Variants in BAZ2B observed in about 807,000 individuals in gnomAD.
BAZ2B encodes the protein bromodomain adjacent to zinc finger domain protein 2B.
BAZ2B carries 91 observed loss-of-function variants against 246.0 expected under a neutral mutation model. The observed-to-expected ratio is 0.37, with a 90% CI of 0.31 to 0.44. BAZ2B has a LOEUF of 0.44. BAZ2B is among the 20% of genes least tolerant of loss of function. The pLI, the probability that BAZ2B is intolerant of heterozygous loss-of-function variation, is 1.00. For synonymous variants in BAZ2B, 855 were observed against 860.0 expected (o/e 0.99, Z 0.10); for missense variants, 2,332 against 2,533.7 (o/e 0.92, Z 1.71).
chr2:159,676,640 T>C, the BAZ2B span, among the ~76,000 whole-genome samples: 1 of 67,172 alleles, frequency 1.5e-5, no homozygotes, highest in South Asian at 4.6e-4. Flanking sequence ...CACAGTGGTA[T>C]CTAAATGCAC....
At chr2:159,631,372 T>G in the BAZ2B span, among the ~76,000 whole-genome samples, 2 of 152,212 alleles carry the variant, frequency 1.3e-5, no homozygotes, top group Non-Finnish European at 2.9e-5. Context: ...TGTAAATACC[T>G]AGAAACAGGG....
intron 11 of BAZ2B, 47 bp downstream of exon 11, chr2:159,429,153 A>G (rs2070598449): frequency 7.6e-7 from 1 of 1,314,036 alleles, no homozygotes; most frequent in Non-Finnish European, 1.0e-6. Flanking sequence ...TCAAACTTGC[A>G]TAAATATATG....
chr2:159,688,668 A>G, the BAZ2B span, among the ~76,000 whole-genome samples: 10,789 of 152,284 alleles, frequency 0.071, 483 homozygotes, highest in East Asian at 0.14. Flanking sequence ...ATCGAGGGTC[A>G]TACATTATTT....
At chr2:159,340,739 C>T (rs1289613745) in intron 31 of BAZ2B, among the ~76,000 whole-genome samples, 1 of 151,894 alleles carries the variant, frequency 6.6e-6, no homozygotes, top group Non-Finnish European at 1.5e-5. Flanking sequence ...CACCACTAGG[C>T]TAAACATGCA....
At chr2:159,449,726 T>C (rs1317192730) in intron 4 of BAZ2B, among the ~76,000 whole-genome samples, 1 of 152,176 alleles carries the variant, frequency 6.6e-6, no homozygotes, top group Non-Finnish European at 1.5e-5. Context: ...AGAATAACTA[T>C]ACAAAAGCAT....
chr2:159,692,322 A>G, the BAZ2B span, among the ~76,000 whole-genome samples: 8 of 151,708 alleles, frequency 5.3e-5, no homozygotes, highest in South Asian at 1.7e-3. Context: ...ATGGCCAGCT[A>G]ATTTTTTGTA....
chr2:159,391,510 A>G (rs900016064), intron 20 of BAZ2B, among the ~76,000 whole-genome samples: 4 of 152,180 alleles, frequency 2.6e-5, no homozygotes, highest in African/African-American at 9.6e-5. Flanking sequence ...TAGTTACTAA[A>G]GTTGTTAAAA....
In BAZ2B at chr2:159,428,004, G is replaced by A; in HGVS notation, c.2403C>T (p.Asp801=). The A allele has an allele frequency of 6.2e-7, 1 of 1,613,446 alleles. No homozygotes were observed. The change falls in exon 13 of 37, where the codon GAC becomes GAT. Residue 801 remains aspartate (D), a synonymous_variant. Coordinates refer to ENST00000392783, the MANE Select transcript of BAZ2B (RefSeq NM_013450.4). ...SRNGIMDISR[D]NFSFSAKIRV... ...TTATTTTTGCACTGAAGCTGAAATT[G>A]TCCCTTGAGATATCCATTATTCCAT... is the stretch of plus-strand genomic sequence containing the variant.
the BAZ2B span, among the ~76,000 whole-genome samples, chr2:159,657,659 A>C: frequency 1.3e-5 from 2 of 152,142 alleles, no homozygotes; most frequent in African/African-American, 4.8e-5. Context: ...AGTTTTCCTC[A>C]TATAGTTCTG....
At chr2:159,709,985 G>A in the BAZ2B span, among the ~76,000 whole-genome samples, 1 of 116,742 alleles carries the variant, frequency 8.6e-6, no homozygotes, top group African/African-American at 2.8e-5. Context: ...TTTAGATACA[G>A]AAAGGTATGT....
At chr2:159,702,738 A>C in the BAZ2B span, among the ~76,000 whole-genome samples, 1 of 152,110 alleles carries the variant, frequency 6.6e-6, no homozygotes, top group Non-Finnish European at 1.5e-5. Context: ...ATACGCAAAA[A>C]CATGTTTAAA....
chr2:159,441,683 TTTG>T (rs2073423909), intron 6 of BAZ2B, among the ~76,000 whole-genome samples: 1 of 152,186 alleles, frequency 6.6e-6, no homozygotes, highest in Non-Finnish European at 1.5e-5. Flanking sequence ...AGGGTCTCAC[TTTG>T]TCACCTACGC....
At chr2:159,624,743 T>A in the BAZ2B span, among the ~76,000 whole-genome samples, 9 of 152,138 alleles carry the variant, frequency 5.9e-5, no homozygotes, top group Non-Finnish European at 1.2e-4. Flanking sequence ...CCAAAAAGGC[T>A]GAAAATTCCA....
At chr2:159,595,655 T>C (rs1191928336) in intron 1 of BAZ2B, among the ~76,000 whole-genome samples, 2 of 152,380 alleles carry the variant, frequency 1.3e-5, no homozygotes, top group East Asian at 3.8e-4. Flanking sequence ...TTGAAATCTG[T>C]TATGTAAGTT....
At chr2:159,666,630 TG>T in the BAZ2B span, among the ~76,000 whole-genome samples, 411 of 152,032 alleles carry the variant, frequency 2.7e-3, 6 homozygotes, top group East Asian at 0.03. Context: ...CCAAAGTGGG[TG>T]GATCACTTGA....
intron 27 of BAZ2B, among the ~76,000 whole-genome samples, chr2:159,361,443 A>G (rs553932467): frequency 6.6e-6 from 1 of 152,344 alleles, no homozygotes; most frequent in Non-Finnish European, 1.5e-5. Context: ...TTAAAAAGTC[A>G]GGAAACAACA....
intron 14 of BAZ2B, among the ~76,000 whole-genome samples, chr2:159,405,332 C>A (rs568655300): frequency 6.6e-6 from 1 of 152,158 alleles, no homozygotes; most frequent in African/African-American, 2.4e-5. Context: ...CTGCCTCAGC[C>A]TCCCAAGTAG....
At chr2:159,373,218 G>A (rs2061041811) in intron 26 of BAZ2B, 29 bp from the exon 27 acceptor site, 2 of 1,579,978 alleles carry the variant, frequency 1.3e-6, no homozygotes, top group Non-Finnish European at 8.6e-7. Flanking sequence ...ATATAATTAG[G>A]TTTGGGATGT....
At chr2:159,470,421 T>G (rs2077635587) in intron 3 of BAZ2B, among the ~76,000 whole-genome samples, 1 of 152,224 alleles carries the variant, frequency 6.6e-6, no homozygotes, top group Non-Finnish European at 1.5e-5. Flanking sequence ...TCAAAATTCA[T>G]TAAAGTATAC....
Sources: allele counts gnomAD v4.1 joint callset (sites outside exome capture counted in the v4.1 genomes callset), GRCh38; gene constraint gnomAD v4.1.1; transcripts MANE v1.5; gene names NCBI Gene and HGNC (gene_info 2026-07-23, HGNC 2026-07-21).